STK3: variants seen among roughly 807,000 people sequenced by gnomAD.
The protein encoded by STK3 is serine/threonine kinase 3, also known as serine/threonine-protein kinase 3.
A neutral mutation model predicts 58.0 loss-of-function variants in STK3; 41 were observed. The ratio of observed to expected loss-of-function variants is 0.71; its 90% CI spans 0.55 to 0.92. The LOEUF (loss-of-function observed/expected upper bound fraction) is 0.92, where lower values mean the gene tolerates loss of function less well. STK3 is among the 40% of genes least tolerant of loss of function. The probability of loss-of-function intolerance (pLI) is 0.00; values close to 1 mark genes in which losing one functional copy is unlikely to be tolerated. For missense variants in STK3, 479 were observed against 602.7 expected (o/e 0.79, Z 2.15); for synonymous variants, 170 against 191.0 (o/e 0.89, Z 0.91).
chr8:98,523,187 C>T (rs939434353), intron 10 of STK3, among the ~76,000 whole-genome samples: 8 of 152,120 alleles, frequency 5.3e-5, no homozygotes, highest in East Asian at 3.8e-4. Flanking sequence ...AATTTCTCTA[C>T]GTCTTCAGAA....
At chr8:98,487,598 T>C (rs1822368049) in intron 10 of STK3, among the ~76,000 whole-genome samples, 1 of 152,240 alleles carries the variant, frequency 6.6e-6, no homozygotes, top group African/African-American at 2.4e-5. Flanking sequence ...TCCATTCCAC[T>C]TATAAATTAA....
intron 7 of STK3, among the ~76,000 whole-genome samples, chr8:98,590,627 T>G (rs1254055732): frequency 1.3e-5 from 2 of 152,346 alleles, no homozygotes; most frequent in African/African-American, 4.8e-5. Context: ...CCAAATTTCA[T>G]GCACGTCCGT....
At chr8:98,782,110 TG>T in intron 1 of STK3, 1 of 234,472 alleles carries the variant, frequency 4.3e-6, no homozygotes, top group South Asian at 7.3e-5. Flanking sequence ...AAGATCTGGC[TG>T]GACACCAATG....
chr8:98,718,694 T>C (rs569217970), intron 4 of STK3, among the ~76,000 whole-genome samples: 3 of 152,118 alleles, frequency 2.0e-5, no homozygotes, highest in Non-Finnish European at 4.4e-5. Flanking sequence ...TTACATATTA[T>C]GTTATGATAT....
At chr8:98,647,809 G>T (rs1002560033) in intron 6 of STK3, among the ~76,000 whole-genome samples, 1 of 152,160 alleles carries the variant, frequency 6.6e-6, no homozygotes, top group Non-Finnish European at 1.5e-5. Flanking sequence ...ACCCAGCCTT[G>T]ATGTCATTAT....
intron 4 of STK3, chr8:98,723,061 G>T: frequency 3.1e-6 from 1 of 321,148 alleles, no homozygotes. Context: ...ATTTAATTAG[G>T]TTATCCTCAA....
chr8:98,758,740 G>T (rs1033045133), intron 3 of STK3, among the ~76,000 whole-genome samples: 1 of 152,232 alleles, frequency 6.6e-6, no homozygotes, highest in Admixed American at 6.5e-5. Flanking sequence ...TTGAAAATCT[G>T]TTGCTTAATG....
At chr8:98,655,612 C>T (rs916745945) in intron 6 of STK3, among the ~76,000 whole-genome samples, 63 of 151,392 alleles carry the variant, frequency 4.2e-4, no homozygotes, top group African/African-American at 1.5e-3. Flanking sequence ...TATCCAGAAT[C>T]TATAATGAAC....
rs537091873 is a variant in STK3, at chr8:98,731,468, C to G, written c.351+17808G>C. Among the ~76,000 whole-genome samples the G allele has an allele frequency of 3.0e-4, 45 of 152,244 alleles. No individual in the cohort carries two copies. In the South Asian group the frequency reaches 9.1e-3, roughly 31 times the overall value. ...GGCGCAGTGGCTCACGCCTGCAATC[C>G]TAGCACTTTGGGAGGCCGAGGTGGG... On this transcript the variant is annotated intron_variant, in intron 4 of 10. Coordinates refer to ENST00000419617, the MANE Select transcript of STK3 (RefSeq NM_006281.4).
At chr8:98,634,427 G>A (rs1032746068) in intron 6 of STK3, among the ~76,000 whole-genome samples, 39 of 151,780 alleles carry the variant, frequency 2.6e-4, no homozygotes, top group Non-Finnish European at 2.9e-5. Flanking sequence ...TTGAACCCAG[G>A]AAGCGGAGGT....
At chr8:98,538,823 C>T (rs1389186602) in intron 9 of STK3, among the ~76,000 whole-genome samples, 3 of 152,172 alleles carry the variant, frequency 2.0e-5, no homozygotes, top group African/African-American at 7.2e-5. Context: ...AAACGTCCCA[C>T]GGACCAAGAG....
At chr8:98,474,522 C>G (rs34580087) in intron 10 of STK3, among the ~76,000 whole-genome samples, 70,599 of 151,838 alleles carry the variant, frequency 0.46, 16,597 homozygotes, top group Admixed American at 0.56. Context: ...GGAGTAAAAT[C>G]GTCCAAAAAT....
the STK3 span, among the ~76,000 whole-genome samples, chr8:98,360,018 C>T: frequency 6.6e-6 from 1 of 152,230 alleles, no homozygotes; most frequent in South Asian, 2.1e-4. Context: ...TTCTCTTTAT[C>T]TTGGCTGGAA....
chr8:98,938,761 C>T (rs1840285689), intron 1 of STK3, among the ~76,000 whole-genome samples: 1 of 152,062 alleles, frequency 6.6e-6, no homozygotes, highest in Non-Finnish European at 1.5e-5. Flanking sequence ...GGAGGGTTGG[C>T]AAGGTGTGGG....
intron 6 of STK3, among the ~76,000 whole-genome samples, chr8:98,686,944 T>A (rs897867395): frequency 6.6e-6 from 1 of 152,096 alleles, no homozygotes; most frequent in African/African-American, 2.4e-5. Flanking sequence ...AATGACCAAA[T>A]ATGTGACTTA....
intron 6 of STK3, among the ~76,000 whole-genome samples, chr8:98,623,244 A>G (rs946699632): frequency 6.6e-6 from 1 of 152,164 alleles, no homozygotes; most frequent in Admixed American, 6.5e-5. Flanking sequence ...GGGGGAAAAA[A>G]GACATAAAGG....
At chr8:98,777,519 A>G (rs941907875) in intron 1 of STK3, among the ~76,000 whole-genome samples, 3 of 152,226 alleles carry the variant, frequency 2.0e-5, no homozygotes, top group Admixed American at 1.3e-4. Flanking sequence ...CAAAAAAAGA[A>G]AAAAGAAATA....
chr8:98,434,313 C>G (rs1818408676), exon 3 of STK3: 1 of 152,294 alleles, frequency 6.6e-6, no homozygotes, highest in Non-Finnish European at 1.5e-5. Context: ...CCTTTAGCCA[C>G]CATCCCTGCA....
chr8:98,404,674 T>A (rs1443473765), intron 3 of STK3, among the ~76,000 whole-genome samples: 1 of 83,222 alleles, frequency 1.2e-5, no homozygotes, highest in Non-Finnish European at 2.3e-5. Flanking sequence ...AGCAAGTCTC[T>A]GTCTCAAAAA....
Sources: gnomAD v4.1 joint callset for allele counts (sites outside exome capture counted in the v4.1 genomes callset) on GRCh38, gnomAD v4.1.1 for gene constraint, MANE v1.5 for transcripts, NCBI Gene and HGNC (gene_info 2026-07-23, HGNC 2026-07-21) for gene names.